The following PRRX1 variants were observed in gnomAD, a reference collection of about 807,000 sequenced individuals.
The protein encoded by PRRX1 is paired related homeobox 1, also known as paired mesoderm homeobox protein 1.
A neutral mutation model predicts 24.0 loss-of-function variants in PRRX1; 8 were observed. The observed-to-expected ratio is 0.33, with a 90% CI of 0.20 to 0.60. PRRX1 has a LOEUF of 0.60. Among genes scored for constraint, PRRX1 ranks in the 20% least tolerant of loss-of-function variants. The pLI, the probability that PRRX1 is intolerant of heterozygous loss-of-function variation, is 0.82. For synonymous variants in PRRX1, 160 were observed against 131.7 expected, an observed-to-expected ratio of 1.22 and a Z score of -1.47; for missense variants, 281 against 322.4, an observed-to-expected ratio of 0.87 and a Z score of 0.98.
rs143312835 is a variant in PRRX1 at position 170,690,296 on chromosome 1, G to A, written c.241+25837G>A. Among the ~76,000 whole-genome samples the A allele has an allele frequency of 7.0e-3, 1,059 of 152,186 alleles. 9 individuals are homozygous for A. Among genetic ancestry groups the A allele is most frequent in the Non-Finnish European group, 0.012 (789 of 68,002 alleles). Reference sequence around the variant, plus strand: ...GCTGCATGTTATGGCTTCTGCGATGGAGTCAGGATCAAGGCAGGATATAGA... The same window carrying A: ...GCTGCATGTTATGGCTTCTGCGATGAAGTCAGGATCAAGGCAGGATATAGA... On this transcript the variant is annotated intron_variant, in intron 1 of 3. Coordinates refer to ENST00000239461, the MANE Select transcript of PRRX1 (RefSeq NM_022716.4).
At chr1:170,719,334 G>A (rs1655008803) in intron 1 of PRRX1, among the ~76,000 whole-genome samples, 1 of 152,192 alleles carries the variant, frequency 6.6e-6, no homozygotes, top group South Asian at 2.1e-4. Context: ...AACTATATGA[G>A]TGAGCATAAT....
chr1:170,705,952 A>ACG (rs1654549813), intron 1 of PRRX1, among the ~76,000 whole-genome samples: 1 of 151,548 alleles, frequency 6.6e-6, no homozygotes, highest in Admixed American at 6.6e-5. Context: ...ACACACACAC[A>ACG]CACACACACA....
intron 1 of PRRX1, among the ~76,000 whole-genome samples, chr1:170,686,812 T>C (rs533119784): frequency 8.5e-5 from 13 of 152,144 alleles, no homozygotes; most frequent in Non-Finnish European, 1.8e-4. Flanking sequence ...ACTTTGAGGG[T>C]TCAAAATCAT....
At chr1:170,734,005 T>C (rs899005022) in intron 3 of PRRX1, among the ~76,000 whole-genome samples, 40 of 152,168 alleles carry the variant, frequency 2.6e-4, no homozygotes, top group African/African-American at 9.4e-4. Flanking sequence ...TGGGAACTCT[T>C]CTGCTTCTAT....
intron 1 of PRRX1, among the ~76,000 whole-genome samples, chr1:170,686,179 CA>C (rs397754426): frequency 0.057 from 5,984 of 105,194 alleles, 249 homozygotes; most frequent in African/African-American, 0.17. Flanking sequence ...GTTAAGGGTA[CA>C]AAAAAAAAAA....
At chr1:170,692,741 TCA>T (rs1553252913) in intron 1 of PRRX1, among the ~76,000 whole-genome samples, 4,076 of 139,446 alleles carry the variant, frequency 0.029, 110 homozygotes, top group African/African-American at 0.072. Flanking sequence ...TCTCTCTCTC[TCA>T]CACACACACA....
chr1:170,710,847 C>T (rs1044023960), intron 1 of PRRX1, among the ~76,000 whole-genome samples: 2 of 152,184 alleles, frequency 1.3e-5, no homozygotes, highest in Non-Finnish European at 2.9e-5. Flanking sequence ...CCCATATAGG[C>T]CAGCCCCTCT....
At position 170,725,271 on chromosome 1, in the gene PRRX1, C is replaced by T. The variant is rs535494668; in HGVS notation, c.418-949C>T. 3.0e-4 allele frequency among the ~76,000 whole-genome samples: 45 copies of T among 152,120 alleles called. 1 individual carries two copies. The South Asian group carries it at 5.8e-3, about 20-fold the overall frequency. The stretch of plus-strand genomic sequence containing the variant: ...GTAGCAAACCTGCACATCCTGCACA[C>T]GTATCCCAGAACTTATAAAATAAAA... On this transcript the variant is annotated intron_variant, in intron 2 of 3. Coordinates refer to ENST00000239461, the MANE Select transcript of PRRX1 (RefSeq NM_022716.4).
intron 1 of PRRX1, among the ~76,000 whole-genome samples, chr1:170,700,620 CTGTATT>C (rs1056356235): frequency 3.3e-5 from 5 of 152,104 alleles, no homozygotes; most frequent in African/African-American, 1.2e-4. Context: ...AGCAGACAGG[CTGTATT>C]ATTAGTACTG....
intron 1 of PRRX1, among the ~76,000 whole-genome samples, chr1:170,709,540 C>T (rs961067030): frequency 2.0e-5 from 3 of 152,138 alleles, no homozygotes; most frequent in Non-Finnish European, 4.4e-5. Context: ...TCCTTCCTGG[C>T]CCGTTCCTGG....
At chr1:170,726,537 TC>T in intron 3 of PRRX1, 136 bp downstream of exon 3, 1 of 1,087,208 alleles carries the variant, frequency 9.2e-7, no homozygotes, top group Non-Finnish European at 1.3e-6. Context: ...CTTGCTGACA[TC>T]CCCACATTTT....
At chr1:170,669,815 T>A (rs1463247446) in intron 1 of PRRX1, among the ~76,000 whole-genome samples, 6 of 152,124 alleles carry the variant, frequency 3.9e-5, no homozygotes, top group Admixed American at 3.9e-4. Flanking sequence ...TTTCAACAGC[T>A]CTGGAAATAT....
intron 3 of PRRX1, chr1:170,728,830 A>G (rs1342638586): frequency 2.0e-5 from 3 of 152,244 alleles, no homozygotes; most frequent in Non-Finnish European, 2.9e-5. Context: ...TTATGATTTC[A>G]CACTTTGAAG....
At chr1:170,686,298 A>C (rs1653739600) in intron 1 of PRRX1, among the ~76,000 whole-genome samples, 1 of 152,138 alleles carries the variant, frequency 6.6e-6, no homozygotes, top group South Asian at 2.1e-4. Context: ...AAAACCTAAG[A>C]GGGCAAGAGC....
intron 1 of PRRX1, among the ~76,000 whole-genome samples, chr1:170,665,164 C>A (rs1162436382): frequency 6.6e-6 from 1 of 152,312 alleles, no homozygotes; most frequent in East Asian, 1.9e-4. Context: ...AAGGGTGAAA[C>A]CTGAAATCCA....
Position 170,664,354 on chromosome 1 carries a change from G to A in PRRX1, c.136G>A (p.Gly46Arg), listed in dbSNP as rs1652837126. 4 of 1,613,962 alleles carry A rather than the reference G, an allele frequency of 2.5e-6. No homozygotes were observed. Among genetic ancestry groups the A allele is most frequent in the Non-Finnish European group, 2.5e-6 (3 of 1,179,952 alleles). ...VSHLLDLEEA[G>R]DMVAAQADEN... Reference sequence around the variant, plus strand: ...TCACCTGCTAGACCTGGAGGAAGCCGGGGACATGGTGGCGGCACAGGCGGA... The same window carrying A: ...TCACCTGCTAGACCTGGAGGAAGCCAGGGACATGGTGGCGGCACAGGCGGA... Residue 46 changes from glycine (G) to arginine (R), a missense_variant, in exon 1 of 4, where the codon GGG becomes AGG. Coordinates refer to ENST00000239461, the MANE Select transcript of PRRX1 (RefSeq NM_022716.4).
At chr1:170,708,831 C>G (rs564039115) in intron 1 of PRRX1, among the ~76,000 whole-genome samples, 1 of 152,104 alleles carries the variant, frequency 6.6e-6, no homozygotes, top group Non-Finnish European at 1.5e-5. Context: ...ACACTTGATC[C>G]TGGAATTTAC....
rs1167735708 is a variant in PRRX1, at chr1:170,739,356, A to G, written c.*3170A>G. The G allele has an allele frequency of 5.6e-6, 1 of 178,196 alleles. No individual in the cohort carries two copies. Among genetic ancestry groups the G allele is most frequent in the Non-Finnish European group, 1.2e-5 (1 of 82,696 alleles). 11.0% of individuals were successfully genotyped at this position (178,196 alleles called of 1,614,324 possible). ...TTGTAAAATATACATTGTTTGCGCT[A>G]GAATAGAAATGATTTCTTTTCAATA... On this transcript the variant is annotated 3_prime_UTR_variant, in exon 4 of 4. Transcript: ENST00000239461.
chr1:170,696,268 G>T (rs909751450), intron 1 of PRRX1, among the ~76,000 whole-genome samples: 1 of 152,012 alleles, frequency 6.6e-6, no homozygotes, highest in Non-Finnish European at 1.5e-5. Context: ...TGATAAATAC[G>T]TCATTAACCA....
Sources: gnomAD v4.1 joint callset for allele counts (sites outside exome capture counted in the v4.1 genomes callset) on GRCh38, gnomAD v4.1.1 for gene constraint, MANE v1.5 for transcripts, NCBI Gene and HGNC (gene_info 2026-07-23, HGNC 2026-07-21) for gene names.